The following UBASH3B variants were observed in gnomAD, a reference collection of about 807,000 sequenced individuals.
The protein encoded by UBASH3B is ubiquitin-associated and SH3 domain-containing protein B.
In UBASH3B, 37 loss-of-function variants were observed where a neutral mutation model predicts 83.4. The ratio of observed to expected loss-of-function variants is 0.44; its 90% confidence interval spans 0.34 to 0.58. The LOEUF is 0.58. UBASH3B is among the 20% of genes least tolerant of loss of function. The pLI is 0.01. For synonymous variants in UBASH3B, 304 were observed against 318.3 expected (o/e 0.96, Z 0.48); for missense variants, 657 against 827.2 (o/e 0.79, Z 2.52).
In UBASH3B at chr11:122,749,369, G is replaced by C. The variant is rs115958815; in HGVS notation, c.162-26850G>C. Among the ~76,000 whole-genome samples, 1,104 of 152,342 alleles carry C rather than the reference G, an allele frequency of 7.2e-3. 19 individuals are homozygous for C. Among genetic ancestry groups the C allele is most frequent in the African/African-American group, 0.025 (1,042 of 41,570 alleles). ...ATTTACTATATGCAAAGCACTTCAT[G>C]TATTGGCAACACTTGCCTTAAACCT... On this transcript the variant is annotated intron_variant, in intron 1 of 13. Transcript: ENST00000284273.
intron 1 of UBASH3B, among the ~76,000 whole-genome samples, chr11:122,718,114 G>A (rs894142805): frequency 3.3e-5 from 5 of 151,900 alleles, no homozygotes; most frequent in South Asian, 4.2e-4. Flanking sequence ...TAGTAGAGAC[G>A]GGGTTTCACC....
intron 1 of UBASH3B, among the ~76,000 whole-genome samples, chr11:122,682,591 C>T (rs1290658927): frequency 6.6e-6 from 1 of 152,112 alleles, no homozygotes; most frequent in East Asian, 1.9e-4. Flanking sequence ...TCTTTCTAAC[C>T]GAGAGCTTCT....
intron 1 of UBASH3B, among the ~76,000 whole-genome samples, chr11:122,748,708 G>C (rs1360824196): frequency 6.6e-6 from 1 of 152,138 alleles, no homozygotes; most frequent in Non-Finnish European, 1.5e-5. Flanking sequence ...CCATCCAAGG[G>C]TCGCAGTGAC....
At chr11:122,757,921 TG>T (rs1031110415) in intron 1 of UBASH3B, among the ~76,000 whole-genome samples, 5 of 151,904 alleles carry the variant, frequency 3.3e-5, no homozygotes, top group Admixed American at 3.3e-4. Context: ...ACCATGTTGA[TG>T]GTCTCTATCT....
intron 1 of UBASH3B, 61 bp from the exon 2 acceptor site, chr11:122,776,158 T>C: frequency 6.6e-7 from 1 of 1,512,744 alleles, no homozygotes; most frequent in Non-Finnish European, 9.1e-7. Context: ...ACTCAGCTCT[T>C]GCCACTGCAG....
intron 1 of UBASH3B, among the ~76,000 whole-genome samples, chr11:122,689,464 C>T (rs1365589123): frequency 2.6e-5 from 4 of 152,064 alleles, no homozygotes; most frequent in South Asian, 4.1e-4. Flanking sequence ...CTTTAGTTTT[C>T]GCTTTTGTAA....
At chr11:122,668,151 A>AT (rs879923124) in intron 1 of UBASH3B, among the ~76,000 whole-genome samples, 13 of 151,586 alleles carry the variant, frequency 8.6e-5, no homozygotes, top group Admixed American at 5.3e-4. Flanking sequence ...ATACCAGGCT[A>AT]TTTTTTTTGT....
chr11:122,719,390 C>T (rs1860584331), intron 1 of UBASH3B, among the ~76,000 whole-genome samples: 1 of 152,224 alleles, frequency 6.6e-6, no homozygotes, highest in Non-Finnish European at 1.5e-5. Flanking sequence ...GGAAACTTAA[C>T]ATGGCTTGAA....
chr11:122,692,873 G>A (rs531394206), intron 1 of UBASH3B, among the ~76,000 whole-genome samples: 2 of 152,318 alleles, frequency 1.3e-5, no homozygotes, highest in South Asian at 2.1e-4. Flanking sequence ...ATAAGTGTCC[G>A]AGTGAAGAGA....
In UBASH3B at chr11:122,729,795, C is replaced by CAAAAAA. The variant is rs71054092; in HGVS notation, c.162-46405_162-46400dup. 5.3e-3 allele frequency among the ~76,000 whole-genome samples: 215 copies of CAAAAAA among 40,900 alleles called. 7 individuals carry two copies. The highest frequency in any genetic ancestry group is 0.013 in the African/African-American group (124 of 9,658). 26.8% of individuals were successfully genotyped at this position (40,900 alleles called of 152,430 possible). A position where few individuals can be genotyped will look rare whatever the true frequency, so the allele number is the denominator to read the frequency against. Reference sequence around the variant, plus strand: ...GCAACATAGCAAGACCCTATCTCTACAAAAAAAAAAAAAAAAAAAAAAAAC... The same window carrying CAAAAAA: ...GCAACATAGCAAGACCCTATCTCTACAAAAAAAAAAAAAAAAAAAAAAAAAAAAAAC... On this transcript the variant is annotated intron_variant, in intron 1 of 13. Transcript: ENST00000284273.
chr11:122,779,800 T>A, intron 4 of UBASH3B, 105 bp downstream of exon 4: 1 of 1,348,300 alleles, frequency 7.4e-7, no homozygotes. Flanking sequence ...GGTCAGGAGG[T>A]GGAGGACCCT....
At chr11:122,699,040 G>T (rs1864000676) in intron 1 of UBASH3B, among the ~76,000 whole-genome samples, 3 of 152,272 alleles carry the variant, frequency 2.0e-5, no homozygotes, top group Non-Finnish European at 2.9e-5. Flanking sequence ...AGTAGAGACG[G>T]GGTTTCTCCA....
chr11:122,793,737 A>T (rs1406975829), intron 6 of UBASH3B, among the ~76,000 whole-genome samples: 1 of 152,204 alleles, frequency 6.6e-6, no homozygotes, highest in East Asian at 1.9e-4. Context: ...TTCTGTAGCT[A>T]TAGTGTTACA....
At chr11:122,785,326 G>A (rs188636860) in intron 5 of UBASH3B, among the ~76,000 whole-genome samples, 3 of 152,180 alleles carry the variant, frequency 2.0e-5, no homozygotes, top group Non-Finnish European at 2.9e-5. Context: ...TACCTGAGCC[G>A]TCTGCACACG....
At chr11:122,712,896 G>GTTTTTTTTTTTT (rs386375116) in intron 1 of UBASH3B, among the ~76,000 whole-genome samples, 6 of 64,522 alleles carry the variant, frequency 9.3e-5, no homozygotes, top group African/African-American at 2.0e-4. Context: ...TCTCTGGGTG[G>GTTTTTTTTTTTT]TTTTTTTTTT....
chr11:122,787,369 G>A (rs1429472009), intron 5 of UBASH3B, among the ~76,000 whole-genome samples: 2 of 152,114 alleles, frequency 1.3e-5, no homozygotes, highest in African/African-American at 4.8e-5. Flanking sequence ...ATCAGAGCAG[G>A]GAAGACCTAG....
intron 10 of UBASH3B, among the ~76,000 whole-genome samples, chr11:122,800,427 G>A (rs531371461): frequency 1.9e-4 from 28 of 150,160 alleles, no homozygotes; most frequent in South Asian, 4.2e-4. Context: ...GGTGGCAGGC[G>A]CCTGTAATCC....
intron 1 of UBASH3B, among the ~76,000 whole-genome samples, chr11:122,674,487 T>A (rs974572180): frequency 6.6e-6 from 1 of 151,504 alleles, no homozygotes; most frequent in Non-Finnish European, 1.5e-5. Context: ...TTCACGCCAT[T>A]CTCCTGCCTC....
chr11:122,809,811 A>G lies in UBASH3B; in HGVS notation c.1875A>G (p.Thr625=). ...ELGETGIWQL[T]DPPILPLTHG... Reference sequence around the variant, plus strand: ...GAGAAACTGGAATATGGCAGCTGACAGATCCACCAATCCTTCCTCTTACCC... The same window carrying G: ...GAGAAACTGGAATATGGCAGCTGACGGATCCACCAATCCTTCCTCTTACCC... Residue 625 remains threonine, a synonymous_variant, in exon 14 of 14, where the codon ACA becomes ACG. Coordinates refer to ENST00000284273, the MANE Select transcript of UBASH3B (RefSeq NM_032873.5). The G allele has an allele frequency of 6.2e-7, 1 of 1,614,204 alleles. No homozygotes were observed. Among genetic ancestry groups the G allele is most frequent in the Non-Finnish European group, 8.5e-7 (1 of 1,180,020 alleles).
Sources: allele counts gnomAD v4.1 joint callset (sites outside exome capture counted in the v4.1 genomes callset), GRCh38; gene constraint gnomAD v4.1.1; transcripts MANE v1.5; gene names NCBI Gene and HGNC (gene_info 2026-07-23, HGNC 2026-07-21).